The following TAB2 variants were observed in gnomAD, a reference collection of about 807,000 sequenced individuals.
TAB2 encodes TGF-beta-activated kinase 1 and MAP3K7-binding protein 2.
A neutral mutation model predicts 65.0 loss-of-function variants in TAB2; 3 were observed. The ratio of observed to expected loss-of-function variants is 0.05; its 90% confidence interval spans 0.02 to 0.12. The LOEUF (loss-of-function observed/expected upper bound fraction) is 0.12. TAB2 is among the 10% of genes least tolerant of loss of function. The probability of loss-of-function intolerance (pLI) is 1.00; values close to 1 mark genes in which losing one functional copy is unlikely to be tolerated. For synonymous variants in TAB2, 298 were observed against 285.1 expected (o/e 1.05, Z -0.46); for missense variants, 623 against 840.3 (o/e 0.74, Z 3.20).
intron 1 of TAB2, among the ~76,000 whole-genome samples, chr6:149,261,522 T>C (rs1024964430): frequency 6.6e-5 from 10 of 152,188 alleles, no homozygotes; most frequent in African/African-American, 2.4e-4. Flanking sequence ...AAACTACAAG[T>C]CTGGCAACCA....
At chr6:149,237,636 T>A (rs535538087) in intron 1 of TAB2, among the ~76,000 whole-genome samples, 2 of 152,306 alleles carry the variant, frequency 1.3e-5, no homozygotes, top group South Asian at 4.1e-4. Context: ...ATCCGTCCTC[T>A]AGGCGGCCTC....
At chr6:149,223,054 T>C (rs548013632) in intron 1 of TAB2, among the ~76,000 whole-genome samples, 114 of 152,310 alleles carry the variant, frequency 7.5e-4, no homozygotes, top group African/African-American at 2.6e-3. Context: ...TCAAGTCTAA[T>C]AAAAAAATTC....
At chr6:149,363,666 A>T (rs1193037756) in intron 1 of TAB2, among the ~76,000 whole-genome samples, 1 of 152,148 alleles carries the variant, frequency 6.6e-6, no homozygotes, top group Non-Finnish European at 1.5e-5. Context: ...TTTTATCCAT[A>T]ATATAACTAA....
At chr6:149,218,749 C>T (rs551060111) in exon 1 of TAB2, 12 of 456,014 alleles carry the variant, frequency 2.6e-5, no homozygotes, top group African/African-American at 2.2e-4. Context: ...AAGTTTATTC[C>T]TCCAAAGCAA....
chr6:149,377,070 ATT>A (rs369685969), intron 2 of TAB2, among the ~76,000 whole-genome samples: 94 of 89,860 alleles, frequency 1.0e-3, no homozygotes, highest in East Asian at 9.9e-3. Flanking sequence ...AATGTAACTT[ATT>A]TTTTTTTTTT....
chr6:149,267,527 A>G (rs1778285128), intron 1 of TAB2, among the ~76,000 whole-genome samples: 1 of 152,184 alleles, frequency 6.6e-6, no homozygotes, highest in Admixed American at 6.5e-5. Flanking sequence ...AGTTAGCTCT[A>G]AGAGGGTAGG....
chr6:149,281,039 A>G (rs942924560), intron 1 of TAB2, among the ~76,000 whole-genome samples: 2 of 152,170 alleles, frequency 1.3e-5, no homozygotes, highest in African/African-American at 4.8e-5. Flanking sequence ...TACCAAATGG[A>G]AATACAGAAC....
intron 1 of TAB2, among the ~76,000 whole-genome samples, chr6:149,249,650 G>C (rs1777819497): frequency 6.6e-6 from 1 of 151,824 alleles, no homozygotes; most frequent in East Asian, 1.9e-4. Flanking sequence ...CTGTGTGTGT[G>C]TGTCTGTCTG....
At chr6:149,224,525 C>G (rs1777225138) in intron 1 of TAB2, among the ~76,000 whole-genome samples, 1 of 152,198 alleles carries the variant, frequency 6.6e-6, no homozygotes. Flanking sequence ...GCTTTGGCTC[C>G]TGGTAATCCT....
intron 1 of TAB2, among the ~76,000 whole-genome samples, chr6:149,239,172 T>C (rs1205462737): frequency 3.3e-5 from 5 of 152,228 alleles, no homozygotes; most frequent in African/African-American, 1.2e-4. Flanking sequence ...GCAGAGCATT[T>C]GTGCTTCCAA....
intron 1 of TAB2, among the ~76,000 whole-genome samples, chr6:149,357,200 G>A (rs950310669): frequency 4.6e-5 from 7 of 152,054 alleles, no homozygotes; most frequent in South Asian, 4.2e-4. Context: ...GGCAGATCAC[G>A]AGGTCAGGAG....
intron 1 of TAB2, among the ~76,000 whole-genome samples, chr6:149,233,340 C>T (rs1017034465): frequency 1.3e-5 from 2 of 152,102 alleles, no homozygotes; most frequent in East Asian, 3.9e-4. Flanking sequence ...CTACTGTAGG[C>T]CAAGAAAGTT....
chr6:149,373,774 T>G (rs1686287244), intron 2 of TAB2, among the ~76,000 whole-genome samples: 1 of 152,178 alleles, frequency 6.6e-6, no homozygotes, highest in South Asian at 2.1e-4. Context: ...TCCCACCCCT[T>G]TTGATACACT....
intron 1 of TAB2, among the ~76,000 whole-genome samples, chr6:149,264,536 T>TGTA (rs1778221797): frequency 6.6e-6 from 1 of 152,160 alleles, no homozygotes; most frequent in Admixed American, 6.6e-5. Flanking sequence ...TATAAGACTG[T>TGTA]GTAGTGATCG....
intron 1 of TAB2, among the ~76,000 whole-genome samples, chr6:149,256,552 G>C (rs1478409173): frequency 6.6e-6 from 1 of 152,044 alleles, no homozygotes; most frequent in African/African-American, 2.4e-5. Flanking sequence ...ATGTGGTCAG[G>C]GGAAAACTCG....
chr6:149,323,026 A>G (rs902469133), intron 1 of TAB2, among the ~76,000 whole-genome samples: 1 of 152,120 alleles, frequency 6.6e-6, no homozygotes, highest in African/African-American at 2.4e-5. Flanking sequence ...TTTACTTCAC[A>G]TTATTTTCAG....
chr6:149,384,997 A>G (rs1395704466), intron 3 of TAB2, among the ~76,000 whole-genome samples: 1 of 152,172 alleles, frequency 6.6e-6, no homozygotes, highest in South Asian at 2.1e-4. Context: ...ATTTTTAATG[A>G]TACTTTAATA....
At position 149,330,250 on chromosome 6, in the gene TAB2, T is replaced by A. The variant is rs201460096; in HGVS notation, c.-90+12235T>A. On this transcript the variant is annotated intron_variant, in intron 1 of 6. Transcript: ENST00000637181. ...CAACTTTGGGTTGTAAAAATAAAAC[T>A]GCTGTGAACAGGTTTTACAGGATTT... Among the ~76,000 whole-genome samples the A allele has an allele frequency of 1.4e-4, 22 of 152,330 alleles. No homozygotes were observed. The East Asian group carries it at 3.7e-3, about 25-fold the overall frequency.
At chr6:149,253,751 G>A (rs900908407) in intron 1 of TAB2, among the ~76,000 whole-genome samples, 2 of 150,960 alleles carry the variant, frequency 1.3e-5, no homozygotes, top group African/African-American at 2.4e-5. Flanking sequence ...GTGAAACCCC[G>A]TCTCTGCTAA....
Sources: allele counts gnomAD v4.1 joint callset (sites outside exome capture counted in the v4.1 genomes callset), GRCh38; gene constraint gnomAD v4.1.1; transcripts MANE v1.5; gene names NCBI Gene and HGNC (gene_info 2026-07-23, HGNC 2026-07-21).